Variants in TOMM20 observed in about 807,000 individuals in gnomAD.
TOMM20 encodes the protein mitochondrial import receptor subunit TOM20 homolog.
In TOMM20, 10 loss-of-function variants were observed where a neutral mutation model predicts 22.1. The observed-to-expected ratio is 0.45, with a 90% confidence interval of 0.28 to 0.77. TOMM20 has a LOEUF of 0.77. TOMM20 is among the 30% of genes least tolerant of loss of function. The probability of loss-of-function intolerance (pLI) is 0.13; values close to 1 mark genes in which losing one functional copy is unlikely to be tolerated. For synonymous variants in TOMM20, 55 were observed against 61.4 expected (o/e 0.90, Z 0.49); for missense variants, 121 against 172.2 (o/e 0.70, Z 1.66).
At chr1:235,118,669 G>A (rs879281853) in intron 3 of TOMM20, among the ~76,000 whole-genome samples, 8 of 152,146 alleles carry the variant, frequency 5.3e-5, no homozygotes, top group Non-Finnish European at 1.2e-4. Flanking sequence ...GGCTACAGGT[G>A]CATACTACTG....
Position 235,111,278 on chromosome 1 carries a change from A to C in TOMM20, c.*786T>G, listed in dbSNP as rs1266797762. On this transcript the variant is annotated 3_prime_UTR_variant, in exon 5 of 5. Coordinates refer to ENST00000366607, the MANE Select transcript of TOMM20 (RefSeq NM_014765.3). ...GATTTAAAGATGCCCAACAGAACCC[A>C]ATGAATCAGAAGCTAAAAGGGACAC... 2 of 152,256 alleles carry C rather than the reference A, an allele frequency of 1.3e-5. No homozygotes were observed. Among genetic ancestry groups the C allele is most frequent in the Middle Eastern group, 3.2e-3 (1 of 316 alleles). The allele number at this position is 152,256 out of a possible 1,614,324, so 9.4% of individuals were successfully genotyped here.
chr1:235,125,789 C>T (rs1661006934), intron 1 of TOMM20, among the ~76,000 whole-genome samples: 1 of 150,418 alleles, frequency 6.6e-6, no homozygotes, highest in Admixed American at 6.6e-5. Flanking sequence ...CCCGCTCTGT[C>T]CCCAGGCTGG....
rs1243237962 is a variant in TOMM20 at position 235,109,368 on chromosome 1, T to TA, written c.*2695dup. 1.3e-5 allele frequency: 2 copies of TA among 152,242 alleles called. No individual in the cohort carries two copies. Among genetic ancestry groups the TA allele is most frequent in the Non-Finnish European group, 2.9e-5 (2 of 68,044 alleles). 9.4% of individuals were successfully genotyped at this position (152,242 alleles called of 1,614,324 possible). On this transcript the variant is annotated 3_prime_UTR_variant, in exon 5 of 5. Transcript: ENST00000366607. ...TTCTCCAAGCCCTTTAATATTCACT[T>TA]AAACAGTTGAGGCACAAGCAATAAT... is the stretch of plus-strand genomic sequence containing the variant.
chr1:235,122,646 G>A (rs879402309), intron 1 of TOMM20, among the ~76,000 whole-genome samples: 12 of 152,194 alleles, frequency 7.9e-5, no homozygotes, highest in Non-Finnish European at 1.5e-4. Context: ...GACTTCTAAA[G>A]TAATTACAAT....
intron 2 of TOMM20, 75 bp downstream of exon 2, chr1:235,122,251 A>G: frequency 7.7e-7 from 1 of 1,299,922 alleles, no homozygotes; most frequent in Non-Finnish European, 1.0e-6. Context: ...TTACATTTTA[A>G]TTACATTTCC....
chr1:235,119,805 C>A lies in TOMM20; in HGVS notation c.250+13G>T. The A allele has an allele frequency of 6.4e-7, 1 of 1,573,278 alleles. No homozygotes were observed. The highest frequency in any genetic ancestry group is 1.2e-5 in the South Asian group (1 of 85,564). ...AATTCTACCCATTTCCTTAGCTTTT[C>A]AATGACTATTACCTTGAGCTAGTAA... On this transcript the variant is annotated intron_variant, in intron 3 of 4. Transcript: ENST00000366607.
chr1:235,114,439 CTTTTTT>C (rs67573955), intron 3 of TOMM20, among the ~76,000 whole-genome samples: 4 of 131,606 alleles, frequency 3.0e-5, no homozygotes, highest in East Asian at 2.2e-4. Context: ...CTTATTTTTT[CTTTTTT>C]TTTTTTTTTT....
intron 1 of TOMM20, chr1:235,127,845 G>C (rs1251439086): frequency 1.9e-6 from 1 of 518,944 alleles, no homozygotes; most frequent in Non-Finnish European, 3.8e-6. Context: ...CGGGAGAAGC[G>C]CAGCCCTTTG....
intron 3 of TOMM20, among the ~76,000 whole-genome samples, chr1:235,114,639 G>A (rs796426989): frequency 5.0e-4 from 76 of 151,714 alleles, no homozygotes; most frequent in African/African-American, 1.5e-3. Context: ...AGGTTTCACC[G>A]TGTTAGCCAA....
intron 2 of TOMM20, among the ~76,000 whole-genome samples, chr1:235,120,453 T>C (rs966781808): frequency 6.6e-6 from 1 of 151,718 alleles, no homozygotes; most frequent in Non-Finnish European, 1.5e-5. Context: ...TTAGTAGAGA[T>C]AGGGTTTCGC....
At chr1:235,115,065 C>T (rs941397042) in intron 3 of TOMM20, among the ~76,000 whole-genome samples, 1 of 150,874 alleles carries the variant, frequency 6.6e-6, no homozygotes, top group Admixed American at 6.6e-5. Flanking sequence ...TTTGTAGAAA[C>T]GGGGTCTCAC....
At chr1:235,126,186 A>G (rs1038568686) in intron 1 of TOMM20, among the ~76,000 whole-genome samples, 11 of 151,964 alleles carry the variant, frequency 7.2e-5, no homozygotes, top group Non-Finnish European at 1.6e-4. Flanking sequence ...CCCAGGATGG[A>G]GTGCAGTGGT....
At chr1:235,125,458 G>A (rs1368982731) in intron 1 of TOMM20, among the ~76,000 whole-genome samples, 2 of 151,586 alleles carry the variant, frequency 1.3e-5, no homozygotes, top group East Asian at 1.9e-4. Flanking sequence ...CTTGTGATCC[G>A]CCCGCCTCGG....
rs1272067536 is a variant in TOMM20, at chr1:235,109,567, G to A, written c.*2497C>T. ...AAAATAAACTTACCAAGGGGCAAAAGGAACCAAACATTTACTGAGTGCCGA... is the reference window on the plus strand; with the variant it reads ...AAAATAAACTTACCAAGGGGCAAAAAGAACCAAACATTTACTGAGTGCCGA... On this transcript the variant is annotated 3_prime_UTR_variant, in exon 5 of 5. Coordinates refer to ENST00000366607, the MANE Select transcript of TOMM20 (RefSeq NM_014765.3). The A allele has an allele frequency of 3.9e-5, 6 of 152,188 alleles. No individual in the cohort carries two copies. Among genetic ancestry groups the A allele is most frequent in the Admixed American group, 3.9e-4 (6 of 15,278 alleles). 9.4% of individuals were successfully genotyped at this position (152,188 alleles called of 1,614,324 possible).
intron 3 of TOMM20, among the ~76,000 whole-genome samples, chr1:235,117,008 G>T (rs895816005): frequency 6.6e-6 from 1 of 151,304 alleles, no homozygotes; most frequent in Non-Finnish European, 1.5e-5. Context: ...GGTGGTGGGC[G>T]CCTGTAGTCC....
chr1:235,117,820 A>T (rs1312614098), intron 3 of TOMM20, among the ~76,000 whole-genome samples: 1 of 152,206 alleles, frequency 6.6e-6, no homozygotes, highest in Non-Finnish European at 1.5e-5. Context: ...GAAACAGGTG[A>T]ATCTCCACTG....
Position 235,110,781 on chromosome 1 carries a change from T to C in TOMM20, c.*1283A>G, listed in dbSNP as rs543425575. 1 of 152,344 alleles carries C rather than the reference T, an allele frequency of 6.6e-6. No homozygotes were observed. Among genetic ancestry groups the C allele is most frequent in the South Asian group, 2.1e-4 (1 of 4,824 alleles). 9.4% of individuals were successfully genotyped at this position (152,344 alleles called of 1,614,324 possible). A position where few individuals can be genotyped will look rare whatever the true frequency, so the allele number is the denominator to read the frequency against. On this transcript the variant is annotated 3_prime_UTR_variant, in exon 5 of 5. Transcript: ENST00000366607. ...AGTCTTTGGGATTTCTCCAGACTTTTAGACAGAACAAAGGCAATCTTTACA... is the reference window on the plus strand; with the variant it reads ...AGTCTTTGGGATTTCTCCAGACTTTCAGACAGAACAAAGGCAATCTTTACA...
At chr1:235,116,054 T>A (rs1660821965) in intron 3 of TOMM20, among the ~76,000 whole-genome samples, 1 of 152,216 alleles carries the variant, frequency 6.6e-6, no homozygotes, top group African/African-American at 2.4e-5. Flanking sequence ...TGGTCTCATG[T>A]CTTTTGCCAG....
Position 235,128,796 on chromosome 1 carries a change from C to G in TOMM20, c.-81G>C. 6.3e-7 allele frequency: 1 copy of G among 1,592,102 alleles called. No individual in the cohort carries two copies. The highest frequency in any genetic ancestry group is 8.5e-7 in the Non-Finnish European group (1 of 1,170,160). On this transcript the variant is annotated 5_prime_UTR_variant, in exon 1 of 5. Transcript: ENST00000366607. The stretch of plus-strand genomic sequence containing the variant: ...GGCCACGAACCCTCAGAGCGGTCGG[C>G]GCAGCTCACACCCGACGGCCGCGGG...
Sources: gnomAD v4.1 joint callset for allele counts (sites outside exome capture counted in the v4.1 genomes callset) on GRCh38, gnomAD v4.1.1 for gene constraint, MANE v1.5 for transcripts, NCBI Gene and HGNC (gene_info 2026-07-23, HGNC 2026-07-21) for gene names.